Variants in MBNL2 observed in about 807,000 individuals in gnomAD.
MBNL2 encodes muscleblind-like protein 2.
In MBNL2, 17 loss-of-function variants were observed where a neutral mutation model predicts 41.9. That is an observed-to-expected ratio of 0.41 (90% CI 0.28 to 0.61). The LOEUF (loss-of-function observed/expected upper bound fraction) is 0.61. Among genes scored for constraint, MBNL2 ranks in the 20% least tolerant of loss-of-function variants. The pLI is 0.35. For missense variants in MBNL2, 336 were observed against 505.6 expected (o/e 0.66, Z 3.22); for synonymous variants, 195 against 182.9 (o/e 1.07, Z -0.53).
At chr13:97,199,668 T>C in the MBNL2 span, among the ~76,000 whole-genome samples, 1 of 152,250 alleles carries the variant, frequency 6.6e-6, no homozygotes, top group East Asian at 1.9e-4. Flanking sequence ...CCGTATCTCA[T>C]GGAATGGAAT....
At chr13:97,253,076 A>T (rs2046872119) in intron 1 of MBNL2, among the ~76,000 whole-genome samples, 1 of 152,210 alleles carries the variant, frequency 6.6e-6, no homozygotes, top group Admixed American at 6.5e-5. Context: ...CTGAAATCTG[A>T]GACACTCAAG....
At chr13:97,383,491 T>C (rs973718986) in intron 8 of MBNL2, among the ~76,000 whole-genome samples, 3 of 152,218 alleles carry the variant, frequency 2.0e-5, no homozygotes, top group Non-Finnish European at 4.4e-5. Flanking sequence ...TCTAAAAATA[T>C]TTTGTTCAAA....
chr13:97,193,812 C>T, the MBNL2 span, among the ~76,000 whole-genome samples: 12 of 152,204 alleles, frequency 7.9e-5, no homozygotes, highest in African/African-American at 2.9e-4. Flanking sequence ...CTGCTTACTG[C>T]CCTTAACTGT....
the MBNL2 span, among the ~76,000 whole-genome samples, chr13:97,216,321 T>C: frequency 4.6e-5 from 7 of 152,156 alleles, no homozygotes; most frequent in Admixed American, 3.9e-4. Context: ...TGTTCGGCAT[T>C]GTGGATGACG....
intron 1 of MBNL2, among the ~76,000 whole-genome samples, chr13:97,237,787 A>G (rs2043555785): frequency 6.6e-6 from 1 of 152,204 alleles, no homozygotes; most frequent in Non-Finnish European, 1.5e-5. Context: ...GCCACCAAAT[A>G]TTTTTAAGCA....
the MBNL2 span, among the ~76,000 whole-genome samples, chr13:97,161,649 T>C: frequency 6.6e-6 from 1 of 152,190 alleles, no homozygotes; most frequent in Non-Finnish European, 1.5e-5. Context: ...CAAAAATACA[T>C]ATCTATCATA....
chr13:97,342,468 A>T (rs2061517413), intron 3 of MBNL2, among the ~76,000 whole-genome samples: 1 of 152,242 alleles, frequency 6.6e-6, no homozygotes, highest in Non-Finnish European at 1.5e-5. Flanking sequence ...TTATTTGAAA[A>T]CTACATTTGA....
chr13:97,248,720 T>C (rs938594140), intron 1 of MBNL2, among the ~76,000 whole-genome samples: 1 of 152,204 alleles, frequency 6.6e-6, no homozygotes, highest in Admixed American at 6.5e-5. Context: ...ATCCTCTCTT[T>C]CTTCTAAAAT....
the MBNL2 span, among the ~76,000 whole-genome samples, chr13:97,165,326 C>T: frequency 6.6e-6 from 1 of 152,118 alleles, no homozygotes; most frequent in Non-Finnish European, 1.5e-5. Flanking sequence ...GGACTGTCAC[C>T]GTAATTTAAT....
Position 97,366,086 on chromosome 13 carries a change from T to C in MBNL2, c.1048+915T>C, listed in dbSNP as rs914016981. Among the ~76,000 whole-genome samples the C allele has an allele frequency of 1.3e-5, 2 of 152,198 alleles. No homozygotes were observed. The highest frequency in any genetic ancestry group is 4.8e-5 in the African/African-American group (2 of 41,448). ...ATTAAAAGTGATGATCACATATTCTTACTTCACTGGACATCACCTTTCACA... is the reference window on the plus strand; with the variant it reads ...ATTAAAAGTGATGATCACATATTCTCACTTCACTGGACATCACCTTTCACA... On this transcript the variant is annotated intron_variant, in intron 8 of 8. Transcript: ENST00000679496. The surrounding 1 kb of genome is among the most constrained non-coding windows in gnomAD (Gnocchi z 4.7).
intron 3 of MBNL2, 97 bp from the exon 4 acceptor site, chr13:97,342,919 A>T: frequency 1.4e-6 from 1 of 711,760 alleles, no homozygotes; most frequent in Non-Finnish European, 2.5e-6. Context: ...AACACAGAGT[A>T]TATGATGAAT....
At chr13:97,216,333 A>G in the MBNL2 span, among the ~76,000 whole-genome samples, 10 of 152,220 alleles carry the variant, frequency 6.6e-5, no homozygotes, top group African/African-American at 2.4e-4. Flanking sequence ...TGGATGACGA[A>G]AAGTACTTTA....
At chr13:97,262,655 C>T (rs528209908) in intron 1 of MBNL2, among the ~76,000 whole-genome samples, 74 of 152,328 alleles carry the variant, frequency 4.9e-4, no homozygotes, top group African/African-American at 1.7e-3. Flanking sequence ...TGGATCCATG[C>T]CCATCACTTC....
chr13:97,356,079 T>C (rs2153104916), intron 5 of MBNL2, among the ~76,000 whole-genome samples: 1 of 152,342 alleles, frequency 6.6e-6, no homozygotes, highest in African/African-American at 2.4e-5. Context: ...GGAAACTCAC[T>C]ATTTAAATTC....
the MBNL2 span, among the ~76,000 whole-genome samples, chr13:97,146,492 C>A: frequency 2.0e-5 from 3 of 152,112 alleles, no homozygotes; most frequent in Non-Finnish European, 4.4e-5. Context: ...GTGCTGTTGG[C>A]CAGGGATCTC....
At chr13:97,324,181 T>A (rs1189197692) in intron 2 of MBNL2, among the ~76,000 whole-genome samples, 1 of 152,220 alleles carries the variant, frequency 6.6e-6, no homozygotes, top group East Asian at 1.9e-4. Context: ...CCCTGACCTC[T>A]AAACTAAGGA....
chr13:97,334,261 C>G lies in MBNL2; in HGVS notation c.175-15C>G, dbSNP rs1414600560. The G allele has an allele frequency of 6.2e-7, 1 of 1,600,650 alleles. No individual in the cohort carries two copies. Among genetic ancestry groups the G allele is most frequent in the South Asian group, 1.1e-5 (1 of 88,668 alleles). On this transcript the variant is annotated splice_polypyrimidine_tract_variant and intron_variant, in intron 2 of 8. Coordinates refer to ENST00000679496, the MANE Select transcript of MBNL2 (RefSeq NM_001382683.1). This position sits in a 1 kb window ranked among gnomAD's most constrained non-coding sequence, Gnocchi z 5.3. ...CTACTTAAAATAGTCCTAAAACCAA[C>G]ACTTGTTTTTACAGGGCCGTTGTTC... is the stretch of plus-strand genomic sequence containing the variant.
the MBNL2 span, among the ~76,000 whole-genome samples, chr13:97,162,779 GT>G: frequency 6.6e-6 from 1 of 152,126 alleles, no homozygotes; most frequent in Admixed American, 6.5e-5. Flanking sequence ...GAAAGATAAT[GT>G]TTTTTAGTAA....
At chr13:97,298,172 TATA>T (rs2057262688) in intron 2 of MBNL2, among the ~76,000 whole-genome samples, 1 of 151,440 alleles carries the variant, frequency 6.6e-6, no homozygotes, top group African/African-American at 2.4e-5. Flanking sequence ...AAACTTGAAG[TATA>T]ATAAAATAAT....
Sources: allele counts gnomAD v4.1 joint callset (sites outside exome capture counted in the v4.1 genomes callset), GRCh38; gene constraint gnomAD v4.1.1; non-coding constraint Gnocchi (gnomAD v3.1); transcripts MANE v1.5; gene names NCBI Gene and HGNC (gene_info 2026-07-23, HGNC 2026-07-21).